The following FRY variants were observed in gnomAD, a reference collection of about 807,000 sequenced individuals.
The protein encoded by FRY is FRY microtubule binding protein, also known as protein furry homolog.
Under a neutral mutation model 348.4 loss-of-function variants are expected in FRY, and 128 were observed. The observed-to-expected ratio is 0.37, with a 90% CI of 0.32 to 0.43. The LOEUF (loss-of-function observed/expected upper bound fraction) is 0.43, where lower values mean the gene tolerates loss of function less well. Among genes scored for constraint, FRY ranks in the 20% least tolerant of loss-of-function variants. FRY has a pLI of 1.00. For synonymous variants in FRY, 1,370 were observed against 1,374.7 expected, an observed-to-expected ratio of 1.00 and a Z score of 0.08; for missense variants, 2,736 against 3,695.2, an observed-to-expected ratio of 0.74 and a Z score of 6.73.
chr13:32,180,960 G>T (rs901900092), intron 23 of FRY, among the ~76,000 whole-genome samples: 2 of 151,850 alleles, frequency 1.3e-5, no homozygotes, highest in African/African-American at 4.8e-5. Flanking sequence ...GCGTGATCTT[G>T]GCTCACTGCA....
At chr13:32,163,487 C>T (rs962969755) in intron 17 of FRY, among the ~76,000 whole-genome samples, 1 of 152,114 alleles carries the variant, frequency 6.6e-6, no homozygotes, top group Non-Finnish European at 1.5e-5. Flanking sequence ...GGCTAGATGA[C>T]AAGACATGTG....
In FRY at chr13:32,214,570, G is replaced by A. The variant is rs559296241; in HGVS notation, c.4682+2188G>A. 2.6e-5 allele frequency among the ~76,000 whole-genome samples: 4 copies of A among 152,312 alleles called. 1 individual carries two copies. The highest frequency in any genetic ancestry group is 4.8e-5 in the African/African-American group (2 of 41,574). ...CGTCTTACACATATTTCTATCCTCAGTGATTAGTCTACTGTGCTGTGCATA... is the reference window on the plus strand; with the variant it reads ...CGTCTTACACATATTTCTATCCTCAATGATTAGTCTACTGTGCTGTGCATA... On this transcript the variant is annotated intron_variant, in intron 35 of 60. Transcript: ENST00000542859.
intron 8 of FRY, among the ~76,000 whole-genome samples, chr13:32,133,056 G>A (rs1260510759): frequency 6.6e-6 from 1 of 152,176 alleles, no homozygotes; most frequent in Non-Finnish European, 1.5e-5. Context: ...TAGGGAGGTT[G>A]CAGATGGCTG....
At chr13:32,112,947 C>G (rs1004358114) in intron 3 of FRY, among the ~76,000 whole-genome samples, 1 of 152,090 alleles carries the variant, frequency 6.6e-6, no homozygotes, top group Non-Finnish European at 1.5e-5. Context: ...TAATTATTCT[C>G]TAGTGGAACA....
Position 32,171,237 on chromosome 13 carries a change from C to T in FRY, c.2118C>T (p.Val706=). The change falls in exon 18 of 61, where the codon GTC becomes GTT. Residue 706 remains valine (V), a synonymous_variant. Transcript: ENST00000542859. ...WKLVIQTQGK[V]YEQANKIRNS... ...TAGTCATCCAGACACAAGGAAAAGT[C>T]TATGAACAAGCCAACAAAATCAGAA... 1 of 1,595,312 alleles carries T rather than the reference C, an allele frequency of 6.3e-7. No homozygotes were observed. Among genetic ancestry groups the T allele is most frequent in the Non-Finnish European group, 8.6e-7 (1 of 1,168,438 alleles).
At position 32,146,621 on chromosome 13, in the gene FRY, A is replaced by G. The variant is rs562513863; in HGVS notation, c.1180-661A>G. Among the ~76,000 whole-genome samples the G allele has an allele frequency of 4.9e-4, 75 of 152,334 alleles. 1 individual carries two copies. The highest frequency in any genetic ancestry group is 3.4e-3 in the Middle Eastern group (1 of 294). ...AGTGCTGGGATTACAGGCATGAGTC[A>G]TCTGAGTTTTTATCTGCACCTGGAA... is the stretch of plus-strand genomic sequence containing the variant. On this transcript the variant is annotated intron_variant, in intron 11 of 60. Transcript: ENST00000542859.
chr13:32,109,750 G>A (rs945975240), intron 3 of FRY, among the ~76,000 whole-genome samples: 2 of 152,124 alleles, frequency 1.3e-5, no homozygotes, highest in South Asian at 2.1e-4. Context: ...CTGTAAATCC[G>A]TTATGCATAC....
chr13:32,104,670 G>C (rs775255782), intron 3 of FRY, among the ~76,000 whole-genome samples: 1 of 152,170 alleles, frequency 6.6e-6, no homozygotes, highest in Non-Finnish European at 1.5e-5. Context: ...TGGTTTGGCT[G>C]TGTCCCCACC....
chr13:32,070,812 C>G (rs569960246), intron 1 of FRY, among the ~76,000 whole-genome samples: 1 of 152,210 alleles, frequency 6.6e-6, no homozygotes, highest in South Asian at 2.1e-4. Context: ...ATGGTATTGC[C>G]TAGGTTTTCT....
intron 11 of FRY, among the ~76,000 whole-genome samples, chr13:32,140,319 T>C (rs1465679206): frequency 1.3e-5 from 2 of 152,240 alleles, no homozygotes; most frequent in African/African-American, 4.8e-5. Context: ...ATAGCAATAC[T>C]GCATCTGAAG....
At chr13:32,131,326 T>G (rs922160509) in intron 7 of FRY, among the ~76,000 whole-genome samples, 12 of 152,236 alleles carry the variant, frequency 7.9e-5, no homozygotes, top group African/African-American at 2.7e-4. Flanking sequence ...CTTCAGGCTC[T>G]GGGGTCTGCA....
Position 32,262,045 on chromosome 13 carries a change from T to C in FRY, c.7617+229T>C, listed in dbSNP as rs547806014. On this transcript the variant is annotated intron_variant, in intron 52 of 60. Transcript: ENST00000542859. ...TTCACCCTGAAAGCCACCAGATCTG[T>C]TAAGGCCTAGATTTTTCCCAAATAC... 3.3e-5 allele frequency among the ~76,000 whole-genome samples: 5 copies of C among 152,318 alleles called. 1 individual carries two copies. In the South Asian group the frequency reaches 8.3e-4, roughly 25 times the overall value.
intron 1 of FRY, among the ~76,000 whole-genome samples, chr13:32,043,388 G>A (rs968148548): frequency 1.3e-5 from 2 of 152,066 alleles, no homozygotes; most frequent in Admixed American, 1.3e-4. Context: ...TGCATTAAGG[G>A]CAATAATAAT....
chr13:32,109,005 A>C (rs1297353834), intron 3 of FRY, among the ~76,000 whole-genome samples: 3 of 152,158 alleles, frequency 2.0e-5, no homozygotes, highest in African/African-American at 4.8e-5. Context: ...TGTTAGCCTT[A>C]AGGAGACAAT....
chr13:32,218,966 C>T (rs1885159296), intron 36 of FRY, 135 bp downstream of exon 36: 1 of 671,408 alleles, frequency 1.5e-6, no homozygotes, highest in Non-Finnish European at 2.7e-6. Flanking sequence ...TCCACCTATG[C>T]AGATGAGCAT....
intron 41 of FRY, among the ~76,000 whole-genome samples, chr13:32,234,367 G>A (rs572350930): frequency 6.6e-6 from 1 of 152,054 alleles, no homozygotes; most frequent in African/African-American, 2.4e-5. Context: ...AGGCTGCAGT[G>A]AGCCGTGATC....
chr13:32,050,720 G>A (rs1476137846), intron 1 of FRY, among the ~76,000 whole-genome samples: 2 of 152,152 alleles, frequency 1.3e-5, no homozygotes, highest in Non-Finnish European at 2.9e-5. Context: ...GGCTGACAGG[G>A]CATGACACTG....
intron 24 of FRY, among the ~76,000 whole-genome samples, 185 bp downstream of exon 24, chr13:32,183,219 C>T (rs1882813424): frequency 6.6e-6 from 1 of 151,950 alleles, no homozygotes; most frequent in Non-Finnish European, 1.5e-5. Flanking sequence ...TAAAATGGTT[C>T]TATAGATTTT....
chr13:32,186,149 A>G, intron 26 of FRY, 111 bp from the exon 27 acceptor site: 1 of 858,826 alleles, frequency 1.2e-6, no homozygotes, highest in South Asian at 1.4e-5. Flanking sequence ...CCTAAAGAAA[A>G]CTGTAGTTAA....
Sources: allele counts gnomAD v4.1 joint callset (sites outside exome capture counted in the v4.1 genomes callset), GRCh38; gene constraint gnomAD v4.1.1; transcripts MANE v1.5; gene names NCBI Gene and HGNC (gene_info 2026-07-23, HGNC 2026-07-21).